The following TMC1 variants were observed in gnomAD, a reference collection of about 807,000 sequenced individuals.
TMC1 encodes transmembrane channel-like protein 1.
In TMC1, 84 loss-of-function variants were observed where a neutral mutation model predicts 105.8. That is an observed-to-expected ratio of 0.79 (90% CI 0.67 to 0.95). TMC1 has a LOEUF of 0.95. Ranked by LOEUF, TMC1 falls within the 40% of genes least tolerant of loss-of-function variation. TMC1 has a pLI of 0.00. For synonymous variants in TMC1, 315 were observed against 311.5 expected (o/e 1.01, Z -0.12); for missense variants, 817 against 914.1 (o/e 0.89, Z 1.37).
chr9:72,665,468 G>T (rs1323979341), intron 5 of TMC1, among the ~76,000 whole-genome samples: 1 of 152,174 alleles, frequency 6.6e-6, no homozygotes, highest in Non-Finnish European at 1.5e-5. Flanking sequence ...TTTAGATTTG[G>T]TGACTGATTT....
intron 5 of TMC1, among the ~76,000 whole-genome samples, chr9:72,667,773 TTCTC>T (rs1156722274): frequency 1.3e-5 from 2 of 152,218 alleles, no homozygotes; most frequent in Non-Finnish European, 2.9e-5. Context: ...AGGCTATCCT[TTCTC>T]TCTATCAATT....
At chr9:72,534,548 A>C (rs997064966) in intron 1 of TMC1, among the ~76,000 whole-genome samples, 3 of 152,222 alleles carry the variant, frequency 2.0e-5, no homozygotes, top group Non-Finnish European at 4.4e-5. Flanking sequence ...AGATTATATA[A>C]CTTCTAAAAT....
chr9:72,602,770 G>C (rs748822606), intron 2 of TMC1, among the ~76,000 whole-genome samples: 1 of 152,068 alleles, frequency 6.6e-6, no homozygotes, highest in Non-Finnish European at 1.5e-5. Flanking sequence ...GACTAATATT[G>C]CCTTTTTCTG....
chr9:72,695,939 AAC>A (rs1826543005), intron 7 of TMC1, among the ~76,000 whole-genome samples: 1 of 152,176 alleles, frequency 6.6e-6, no homozygotes, highest in South Asian at 2.1e-4. Context: ...AATAAAATGC[AAC>A]ACATTTTATG....
intron 3 of TMC1, among the ~76,000 whole-genome samples, chr9:72,618,022 CTTTTTTTTTTTTTT>C (rs34497983): frequency 7.6e-5 from 6 of 79,202 alleles, no homozygotes; most frequent in African/African-American, 1.0e-4. Flanking sequence ...CTGGGTACAT[CTTTTTTTTTTTTTT>C]TTTTTTTTTT....
At chr9:72,639,858 T>C (rs1825595788) in intron 4 of TMC1, among the ~76,000 whole-genome samples, 1 of 152,224 alleles carries the variant, frequency 6.6e-6, no homozygotes, top group Non-Finnish European at 1.5e-5. Context: ...CCATAGCTTT[T>C]TTCGTTGTTC....
chr9:72,707,700 T>C (rs986678658), intron 8 of TMC1, among the ~76,000 whole-genome samples: 4 of 152,212 alleles, frequency 2.6e-5, no homozygotes, highest in African/African-American at 9.6e-5. Flanking sequence ...CTTCTCCCTC[T>C]CTGTGGGTTG....
intron 5 of TMC1, among the ~76,000 whole-genome samples, chr9:72,666,864 G>A (rs922423404): frequency 1.3e-5 from 2 of 151,126 alleles, no homozygotes; most frequent in African/African-American, 2.4e-5. Flanking sequence ...AGCCTGGGCA[G>A]CATAGGGAAA....
intron 19 of TMC1, chr9:72,817,213 T>G (rs1449788235): frequency 6.6e-6 from 1 of 152,166 alleles, no homozygotes; most frequent in Non-Finnish European, 1.5e-5. Flanking sequence ...ATGGGATGAC[T>G]GTTAAATTCC....
chr9:72,707,105 C>T (rs1318913732), intron 8 of TMC1, among the ~76,000 whole-genome samples: 1 of 152,164 alleles, frequency 6.6e-6, no homozygotes, highest in African/African-American at 2.4e-5. Flanking sequence ...CTTTTTATGG[C>T]TGAGTAGTAT....
chr9:72,734,566 T>A (rs1827266702), intron 8 of TMC1, among the ~76,000 whole-genome samples: 1 of 152,026 alleles, frequency 6.6e-6, no homozygotes, highest in African/African-American at 2.4e-5. Context: ...AGTTCTTATT[T>A]TTAATCTTTG....
In TMC1 at chr9:72,752,243, C is replaced by CA. The variant is rs1827591411; in HGVS notation, c.642+289dup. On this transcript the variant is annotated intron_variant, in intron 11 of 23. Transcript: ENST00000297784. ...AGTTTCATGGCTTCTTTCAGTTTCCCAAGGGGGTCCCTGTTCCTAAATGTT... is the reference window on the plus strand; with the variant it reads ...AGTTTCATGGCTTCTTTCAGTTTCCCAAAGGGGGTCCCTGTTCCTAAATGTT... 3.9e-5 allele frequency among the ~76,000 whole-genome samples: 6 copies of CA among 152,192 alleles called. No homozygotes were observed. In the South Asian group the frequency reaches 1.2e-3, roughly 32 times the overall value.
chr9:72,671,646 A>G (rs1826128352), intron 5 of TMC1, among the ~76,000 whole-genome samples: 3 of 152,202 alleles, frequency 2.0e-5, no homozygotes, highest in Non-Finnish European at 4.4e-5. Flanking sequence ...GCATCCATTA[A>G]TTTTGGTATA....
chr9:72,591,732 A>ATTTG, intron 2 of TMC1, among the ~76,000 whole-genome samples: 1 of 151,562 alleles, frequency 6.6e-6, no homozygotes, highest in Admixed American at 6.6e-5. Context: ...CACCATGGCT[A>ATTTG]TTTGTTTGTT....
intron 8 of TMC1, among the ~76,000 whole-genome samples, chr9:72,706,516 C>CCCAT (rs1311069375): frequency 6.6e-6 from 1 of 152,000 alleles, no homozygotes; most frequent in Admixed American, 6.6e-5. Context: ...TTTTGGTGCA[C>CCCAT]CCATCACCTG....
intron 1 of TMC1, among the ~76,000 whole-genome samples, chr9:72,527,230 A>G (rs1310209485): frequency 6.6e-6 from 1 of 152,116 alleles, no homozygotes; most frequent in African/African-American, 2.4e-5. Flanking sequence ...AAATGCAAAT[A>G]TCTCGATTCT....
chr9:72,774,418 G>A (rs1827977099), intron 13 of TMC1, among the ~76,000 whole-genome samples: 1 of 152,108 alleles, frequency 6.6e-6, no homozygotes, highest in Non-Finnish European at 1.5e-5. Flanking sequence ...CCTTTCGAAA[G>A]GTATCAAGTC....
At chr9:72,616,141 A>T (rs574192904) in intron 2 of TMC1, 48 of 152,276 alleles carry the variant, frequency 3.2e-4, no homozygotes, top group African/African-American at 1.1e-3. Context: ...CATATATGGG[A>T]TGTTTGCCAG....
intron 10 of TMC1, among the ~76,000 whole-genome samples, chr9:72,745,509 A>G (rs12002341): frequency 0.015 from 2,332 of 152,144 alleles, 72 homozygotes; most frequent in African/African-American, 0.052. Context: ...TTTCTCATGT[A>G]TTTACTTTTT....
Sources: allele counts gnomAD v4.1 joint callset (sites outside exome capture counted in the v4.1 genomes callset), GRCh38; gene constraint gnomAD v4.1.1; transcripts MANE v1.5; gene names NCBI Gene and HGNC (gene_info 2026-07-23, HGNC 2026-07-21).